GALNT18: variants seen among roughly 807,000 people sequenced by gnomAD.
GALNT18 encodes polypeptide N-acetylgalactosaminyltransferase 18.
In GALNT18, 44 loss-of-function variants were observed where a neutral mutation model predicts 69.5. The ratio of observed to expected loss-of-function variants is 0.63; its 90% CI spans 0.50 to 0.81. GALNT18 has a LOEUF of 0.81. Among genes scored for constraint, GALNT18 ranks in the 40% least tolerant of loss-of-function variants. GALNT18 has a pLI of 0.00. For missense variants in GALNT18, 715 were observed against 810.0 expected (o/e 0.88, Z 1.42); for synonymous variants, 364 against 318.2 (o/e 1.14, Z -1.53).
chr11:11,352,057 TC>T, intron 6 of GALNT18: 1 of 1,613,710 alleles, frequency 6.2e-7, no homozygotes, highest in Middle Eastern at 1.6e-4. Context: ...ACTGAAGAAA[TC>T]CCTGACATCA....
chr11:11,517,430 A>T (rs2133922507), intron 1 of GALNT18, among the ~76,000 whole-genome samples: 1 of 152,322 alleles, frequency 6.6e-6, no homozygotes, highest in Non-Finnish European at 1.5e-5. Flanking sequence ...TCCTCCTGGG[A>T]AAAAATAAAG....
chr11:11,490,807 G>A (rs1234916701), intron 1 of GALNT18, among the ~76,000 whole-genome samples: 2 of 152,270 alleles, frequency 1.3e-5, no homozygotes, highest in Non-Finnish European at 2.9e-5. Context: ...TCCAAATCAT[G>A]CAGGGCTGGG....
intron 5 of GALNT18, among the ~76,000 whole-genome samples, chr11:11,374,915 C>T (rs1034895246): frequency 2.0e-4 from 30 of 152,308 alleles, no homozygotes; most frequent in African/African-American, 6.5e-4. Flanking sequence ...TGGAAATGAA[C>T]ACACATGGTC....
At chr11:11,352,753 G>C in intron 6 of GALNT18, 1 of 1,614,128 alleles carries the variant, frequency 6.2e-7, no homozygotes, top group Non-Finnish European at 8.5e-7. Context: ...TGGTACAATT[G>C]CTTGAAGTCT....
At chr11:11,503,143 T>C (rs544205509) in intron 1 of GALNT18, among the ~76,000 whole-genome samples, 1 of 152,288 alleles carries the variant, frequency 6.6e-6, no homozygotes, top group South Asian at 2.1e-4. Flanking sequence ...CGGATTTTAG[T>C]ACAAAGAATC....
chr11:11,492,852 A>G (rs1024754187), intron 1 of GALNT18, among the ~76,000 whole-genome samples: 1 of 152,182 alleles, frequency 6.6e-6, no homozygotes, highest in African/African-American at 2.4e-5. Context: ...ACCAAGGCAC[A>G]TGTATACCTA....
intron 1 of GALNT18, chr11:11,475,650 A>T (rs1457668005): frequency 6.6e-6 from 1 of 152,202 alleles, no homozygotes; most frequent in Non-Finnish European, 1.5e-5. Flanking sequence ...ACCCAACAAT[A>T]CTGCTAGCCA....
chr11:11,559,340 G>A (rs897398023), intron 1 of GALNT18, among the ~76,000 whole-genome samples: 1 of 152,174 alleles, frequency 6.6e-6, no homozygotes, highest in African/African-American at 2.4e-5. Context: ...GGGGAGAAGG[G>A]TGCCTAGTCT....
intron 9 of GALNT18, among the ~76,000 whole-genome samples, chr11:11,306,739 C>T (rs1188598596): frequency 3.3e-5 from 5 of 152,212 alleles, no homozygotes; most frequent in African/African-American, 7.2e-5. Context: ...GGCATTGTGA[C>T]GTGTTATACA....
rs919128244 is a variant in GALNT18 at position 11,415,416 on chromosome 11, G to C, written c.595+17205C>G. ...CCGAATGAGAAAATAACGTGTCCTT[G>C]TAGCCACCTACTTGTATAATAAGTA... On this transcript the variant is annotated intron_variant, in intron 3 of 10. Coordinates refer to ENST00000227756, the MANE Select transcript of GALNT18 (RefSeq NM_198516.3). This position sits in a 1 kb window ranked among gnomAD's most constrained non-coding sequence, Gnocchi z 4.1. Among the ~76,000 whole-genome samples, 2 of 152,164 alleles carry C rather than the reference G, an allele frequency of 1.3e-5. No homozygotes were observed. The highest frequency in any genetic ancestry group is 6.5e-5 in the Admixed American group (1 of 15,288).
intron 1 of GALNT18, among the ~76,000 whole-genome samples, chr11:11,488,608 G>T (rs1021994237): frequency 8.5e-5 from 13 of 152,108 alleles, no homozygotes; most frequent in African/African-American, 2.9e-4. Flanking sequence ...ACAATACTTG[G>T]CACATAAGTG....
At chr11:11,419,596 CAAAAAAAAAAAAAAAA>C (rs58012512) in intron 3 of GALNT18, among the ~76,000 whole-genome samples, 3 of 26,618 alleles carry the variant, frequency 1.1e-4, no homozygotes, top group South Asian at 3.1e-3. Context: ...GATCCTGTCT[CAAAAAAAAAAAAAAAA>C]AAAAAAAAAA....
At chr11:11,292,585 T>C (rs10219286) in intron 10 of GALNT18, among the ~76,000 whole-genome samples, 68,420 of 151,834 alleles carry the variant, frequency 0.45, 15,807 homozygotes, top group Middle Eastern at 0.55. Flanking sequence ...ACTGTCTACA[T>C]CTGGGAGACT....
At chr11:11,291,305 G>A (rs1455035500) in intron 10 of GALNT18, among the ~76,000 whole-genome samples, 4 of 149,344 alleles carry the variant, frequency 2.7e-5, no homozygotes, top group Non-Finnish European at 6.0e-5. Context: ...TAGCTTCAGT[G>A]ATGAGAAGTA....
chr11:11,328,926 C>G (rs570308798), intron 8 of GALNT18, among the ~76,000 whole-genome samples: 1 of 152,282 alleles, frequency 6.6e-6, no homozygotes, highest in South Asian at 2.1e-4. Context: ...AATGCCAGTG[C>G]TTGGGTGAGA....
intron 6 of GALNT18, among the ~76,000 whole-genome samples, chr11:11,345,300 C>A (rs1474648856): frequency 6.6e-6 from 1 of 152,238 alleles, no homozygotes; most frequent in Non-Finnish European, 1.5e-5. Context: ...CACTTCTGGA[C>A]CCTGCCCAGT....
In GALNT18 at chr11:11,463,036, G is replaced by A. The variant is rs1856079593; in HGVS notation, c.236-14100C>T. Among the ~76,000 whole-genome samples the A allele has an allele frequency of 3.3e-5, 5 of 152,286 alleles. No homozygotes were observed. The South Asian group carries it at 1.0e-3, about 32-fold the overall frequency. ...GTATAGCATGCACCTGCCCCTACAG[G>A]ACAGGCAGGTGGGAGGGTAAGCAGT... On this transcript the variant is annotated intron_variant, in intron 1 of 10. Coordinates refer to ENST00000227756, the MANE Select transcript of GALNT18 (RefSeq NM_198516.3). This position sits in a 1 kb window ranked among gnomAD's most constrained non-coding sequence, Gnocchi z 4.2.
At chr11:11,539,293 C>A (rs188843597) in intron 1 of GALNT18, among the ~76,000 whole-genome samples, 2 of 145,546 alleles carry the variant, frequency 1.4e-5, no homozygotes, top group African/African-American at 2.8e-5. Flanking sequence ...GCCTCCCCCA[C>A]AGTCTTCCCT....
Position 11,621,669 on chromosome 11 carries a change from C to A in GALNT18, c.-76G>T. ...CGCCCCGAACTCCCCCGCGCTCGCA[C>A]CCCGTAGCACGTCCGGAGCCGCTGG... On this transcript the variant is annotated 5_prime_UTR_variant, in exon 1 of 11. Coordinates refer to ENST00000227756, the MANE Select transcript of GALNT18 (RefSeq NM_198516.3). This position sits in a 1 kb window ranked among gnomAD's most constrained non-coding sequence, Gnocchi z 9.3. 9.0e-7 allele frequency: 1 copy of A among 1,115,534 alleles called. No homozygotes were observed. The highest frequency in any genetic ancestry group is 1.3e-6 in the Non-Finnish European group (1 of 768,444). The allele number at this position is 1,115,534 out of a possible 1,614,324, so 69.1% of individuals were successfully genotyped here.
Sources: allele counts gnomAD v4.1 joint callset (sites outside exome capture counted in the v4.1 genomes callset), GRCh38; gene constraint gnomAD v4.1.1; non-coding constraint Gnocchi (gnomAD v3.1); transcripts MANE v1.5; gene names NCBI Gene and HGNC (gene_info 2026-07-23, HGNC 2026-07-21).